Variants in FBXL2 observed in about 807,000 individuals in gnomAD.
FBXL2 encodes F-box/LRR-repeat protein 2.
In FBXL2, 38 loss-of-function variants were observed where a neutral mutation model predicts 69.2. The ratio of observed to expected loss-of-function variants is 0.55; its 90% CI spans 0.42 to 0.72. FBXL2 has a LOEUF of 0.72. Among genes scored for constraint, FBXL2 ranks in the 30% least tolerant of loss-of-function variants. The pLI, the probability that FBXL2 is intolerant of heterozygous loss-of-function variation, is 0.00. For synonymous variants in FBXL2, 192 were observed against 201.3 expected (o/e 0.95, Z 0.39); for missense variants, 354 against 520.3 (o/e 0.68, Z 3.11).
chr3:33,299,265 C>T (rs532296584), intron 2 of FBXL2, among the ~76,000 whole-genome samples: 3 of 152,244 alleles, frequency 2.0e-5, no homozygotes, highest in Admixed American at 6.5e-5. Context: ...TGATCTCGAA[C>T]TCCTGATCTC....
chr3:33,384,630 G>T (rs1325312050), intron 14 of FBXL2, among the ~76,000 whole-genome samples: 1 of 152,190 alleles, frequency 6.6e-6, no homozygotes, highest in Non-Finnish European at 1.5e-5. Flanking sequence ...TGGTACAATA[G>T]TGTCACCTTA....
intron 12 of FBXL2, among the ~76,000 whole-genome samples, chr3:33,402,101 C>G (rs1274622211): frequency 6.6e-6 from 1 of 152,108 alleles, no homozygotes; most frequent in Non-Finnish European, 1.5e-5. Flanking sequence ...CATAATTTTC[C>G]TCCCCAACAA....
intron 1 of FBXL2, 113 bp from the exon 2 acceptor site, chr3:33,297,551 T>C: frequency 1.6e-6 from 1 of 638,580 alleles, no homozygotes; most frequent in Admixed American, 3.1e-5. Context: ...AGTCACACCC[T>C]ATTTGTAGGA....
At chr3:33,417,664 A>G in the FBXL2 span, among the ~76,000 whole-genome samples, 1 of 152,226 alleles carries the variant, frequency 6.6e-6, no homozygotes, top group Admixed American at 6.5e-5. Flanking sequence ...AAAAATTAAT[A>G]ATGTACTCCA....
At chr3:33,359,910 A>G (rs534946958) in intron 4 of FBXL2, among the ~76,000 whole-genome samples, 1 of 152,280 alleles carries the variant, frequency 6.6e-6, no homozygotes, top group African/African-American at 2.4e-5. Context: ...TAAATATGTA[A>G]ATATCTCCAT....
downstream of FBXL2, chr3:33,391,033 G>A (rs2043743624): frequency 1.3e-5 from 2 of 152,174 alleles, no homozygotes; most frequent in African/African-American, 4.8e-5. Context: ...TTCTTTTTCA[G>A]ACAATGTCAG....
At chr3:33,352,914 C>CAA (rs1164172016) in intron 2 of FBXL2, among the ~76,000 whole-genome samples, 1 of 151,570 alleles carries the variant, frequency 6.6e-6, no homozygotes, top group Non-Finnish European at 1.5e-5. Flanking sequence ...CAAAACAAAA[C>CAA]AAAACAAAAC....
Position 33,385,776 on chromosome 3 carries a change from C to G in FBXL2, c.*168C>G. The G allele has an allele frequency of 1.6e-6, 1 of 615,386 alleles. No individual in the cohort carries two copies. Among genetic ancestry groups the G allele is most frequent in the Non-Finnish European group, 2.9e-6 (1 of 343,942 alleles). 38.1% of individuals were successfully genotyped at this position (615,386 alleles called of 1,614,324 possible). A position where few individuals can be genotyped will look rare whatever the true frequency, so the allele number is the denominator to read the frequency against. Reference sequence around the variant, plus strand: ...GCAGTTACTCTGGTGATAGTTTTCACCTTTATTCTGCTGTGAAACAATCAA... The same window carrying G: ...GCAGTTACTCTGGTGATAGTTTTCAGCTTTATTCTGCTGTGAAACAATCAA... On this transcript the variant is annotated 3_prime_UTR_variant, in exon 15 of 15. Coordinates refer to ENST00000484457, the MANE Select transcript of FBXL2 (RefSeq NM_012157.5).
intron 12 of FBXL2, chr3:33,402,745 A>G: frequency 7.8e-7 from 1 of 1,277,070 alleles, no homozygotes; most frequent in Non-Finnish European, 1.1e-6. Flanking sequence ...AGATGGGGAA[A>G]TGAAGGCACA....
intron 2 of FBXL2, among the ~76,000 whole-genome samples, chr3:33,305,076 A>G (rs1282787173): frequency 6.6e-6 from 1 of 151,864 alleles, no homozygotes; most frequent in Non-Finnish European, 1.5e-5. Context: ...CCCATCTTCT[A>G]ACTTGTTTTT....
chr3:33,315,314 C>T (rs2037590221), intron 2 of FBXL2, among the ~76,000 whole-genome samples: 1 of 137,824 alleles, frequency 7.3e-6, no homozygotes, highest in Non-Finnish European at 1.6e-5. Context: ...TTCTCTTTCT[C>T]TCTCTCTTAC....
chr3:33,379,081 C>T (rs2042838336), intron 13 of FBXL2, among the ~76,000 whole-genome samples: 1 of 151,736 alleles, frequency 6.6e-6, no homozygotes, highest in Non-Finnish European at 1.5e-5. Context: ...AATCTGAGCT[C>T]GCTACAACCT....
At chr3:33,338,512 A>T (rs375083646) in intron 2 of FBXL2, among the ~76,000 whole-genome samples, 1 of 152,178 alleles carries the variant, frequency 6.6e-6, no homozygotes, top group South Asian at 2.1e-4. Flanking sequence ...TATCACCCAC[A>T]TGGACTTCAA....
chr3:33,409,714 A>G, the FBXL2 span: 4 of 1,376,778 alleles, frequency 2.9e-6, no homozygotes, highest in Non-Finnish European at 4.0e-6. Flanking sequence ...CCTTTAAAAT[A>G]AACTCATCAC....
At chr3:33,364,942 G>A (rs936079894) in intron 5 of FBXL2, among the ~76,000 whole-genome samples, 5 of 152,154 alleles carry the variant, frequency 3.3e-5, no homozygotes, top group East Asian at 3.8e-4. Context: ...TCCCCCGGCC[G>A]AGTGTCAGTT....
chr3:33,310,087 T>A (rs1020342414), intron 2 of FBXL2, among the ~76,000 whole-genome samples: 1 of 152,210 alleles, frequency 6.6e-6, no homozygotes, highest in African/African-American at 2.4e-5. Context: ...TAATTTACAT[T>A]TTTAAACATT....
At chr3:33,381,581 G>A (rs1286081851) in intron 13 of FBXL2, among the ~76,000 whole-genome samples, 2 of 151,300 alleles carry the variant, frequency 1.3e-5, no homozygotes, top group South Asian at 2.1e-4. Flanking sequence ...CCGAGATTGC[G>A]CCATTGCACT....
At chr3:33,383,363 TAA>T (rs1337763689) in intron 13 of FBXL2, 19 of 153,170 alleles carry the variant, frequency 1.2e-4, no homozygotes, top group African/African-American at 4.3e-4. Context: ...ATAGAGAACT[TAA>T]GAGAATTACA....
intron 2 of FBXL2, among the ~76,000 whole-genome samples, chr3:33,340,170 G>T (rs570571682): frequency 6.6e-6 from 1 of 152,206 alleles, no homozygotes; most frequent in South Asian, 2.1e-4. Context: ...AGAATCTTTT[G>T]GTGTTGAATG....
Sources: allele counts gnomAD v4.1 joint callset (sites outside exome capture counted in the v4.1 genomes callset), GRCh38; gene constraint gnomAD v4.1.1; transcripts MANE v1.5; gene names NCBI Gene and HGNC (gene_info 2026-07-23, HGNC 2026-07-21).